The following TBX6 variants were observed in gnomAD, a reference collection of about 807,000 sequenced individuals.
The protein encoded by TBX6 is T-box transcription factor TBX6.
In TBX6, 29 loss-of-function variants were observed where a neutral mutation model predicts 42.3. The ratio of observed to expected loss-of-function variants is 0.69; its 90% CI spans 0.51 to 0.93. The LOEUF is 0.93. TBX6 is among the 40% of genes least tolerant of loss of function. The probability of loss-of-function intolerance (pLI) is 0.00; values close to 1 mark genes in which losing one functional copy is unlikely to be tolerated. For missense variants in TBX6, 569 were observed against 603.3 expected (o/e 0.94, Z 0.59); for synonymous variants, 249 against 245.1 (o/e 1.02, Z -0.15).
chr16:30,089,123 A>G lies in TBX6; in HGVS notation c.441T>C (p.Asp147=). 6.2e-7 allele frequency: 1 copy of G among 1,614,056 alleles called. No homozygotes were observed. Among genetic ancestry groups the G allele is most frequent in the South Asian group, 1.1e-5 (1 of 91,080 alleles). ...YLFLLDVIPV[D]GARYRWQGRR... ...GGCCCTGCCAGCGGTAGCGAGCCCCATCCACCGGAATCACATCCAGAAGAA... is the reference window on the plus strand; with the variant it reads ...GGCCCTGCCAGCGGTAGCGAGCCCCGTCCACCGGAATCACATCCAGAAGAA... The change falls in exon 4 of 9, where the codon GAT becomes GAC. Residue 147 remains aspartate, a synonymous_variant. Coordinates refer to ENST00000395224, the MANE Select transcript of TBX6 (RefSeq NM_004608.4).
At position 30,091,125 on chromosome 16, in the gene TBX6, C is replaced by T; in HGVS notation, c.69G>A (p.Gly23=). 1.9e-6 allele frequency: 3 copies of T among 1,590,954 alleles called. No individual in the cohort carries two copies. Among genetic ancestry groups the T allele is most frequent in the South Asian group, 1.1e-5 (1 of 87,650 alleles). ...AGYRLGPAQP[G]ADSSFPPALA... is the part of the protein sequence containing the mutation. ...GGGCGGGTGGGAAGCTGGAGTCGGCCCCAGGTTGGGCGGGCCCCAGGCGGT... is the reference window on the plus strand; with the variant it reads ...GGGCGGGTGGGAAGCTGGAGTCGGCTCCAGGTTGGGCGGGCCCCAGGCGGT... Residue 23 remains glycine, a synonymous_variant, in exon 2 of 9, where the codon GGG becomes GGA. Transcript: ENST00000395224.
intron 3 of TBX6, 132 bp downstream of exon 3, chr16:30,090,626 G>T: frequency 2.2e-6 from 2 of 904,298 alleles, no homozygotes; most frequent in Non-Finnish European, 1.6e-6. Context: ...CTTGCCCCAG[G>T]CCATAGTCAG....
Position 30,091,122 on chromosome 16 carries a change from G to C in TBX6, c.72C>G (p.Ala24=), listed in dbSNP as rs1326920663. 12 of 1,589,560 alleles carry C rather than the reference G, an allele frequency of 7.5e-6. No individual in the cohort carries two copies. The highest frequency in any genetic ancestry group is 1.0e-5 in the Non-Finnish European group (12 of 1,169,554). ...GYRLGPAQPG[A]DSSFPPALAE... ...CTAGGGCGGGTGGGAAGCTGGAGTC[G>C]GCCCCAGGTTGGGCGGGCCCCAGGC... The change falls in exon 2 of 9, where the codon GCC becomes GCG. Residue 24 remains alanine (A), a synonymous_variant. Coordinates refer to ENST00000395224, the MANE Select transcript of TBX6 (RefSeq NM_004608.4).
Position 30,091,215 on chromosome 16 carries a change from A to C in TBX6, c.-22T>G. The C allele has an allele frequency of 6.5e-7, 1 of 1,530,762 alleles. No individual in the cohort carries two copies. The highest frequency in any genetic ancestry group is 1.3e-5 in the South Asian group (1 of 78,874). The allele number at this position is 1,530,762 out of a possible 1,614,324, so 94.8% of individuals were successfully genotyped here. ...ACATGTTGTAGTTCCGTCTGGCCTCAGGTCTCGCTGCTTAGGGCCCCCGGT... is the reference window on the plus strand; with the variant it reads ...ACATGTTGTAGTTCCGTCTGGCCTCCGGTCTCGCTGCTTAGGGCCCCCGGT... On this transcript the variant is annotated 5_prime_UTR_variant, in exon 2 of 9. Transcript: ENST00000395224.
chr16:30,089,110 G>C lies in TBX6; in HGVS notation c.454C>G (p.Arg152Gly). Reference protein sequence around the residue: ...DVIPVDGARYRWQGRRWEPSG... With the variant: ...DVIPVDGARYGWQGRRWEPSG... ...GGCTCCCAGCGCCGGCCCTGCCAGC[G>C]GTAGCGAGCCCCATCCACCGGAATC... The change falls in exon 4 of 9, where the codon CGC becomes GGC. Residue 152 changes from arginine (R) to glycine (G), a missense_variant. By Grantham distance (125) the Arg-to-Gly change is moderately radical (BLOSUM62 -2). Coordinates refer to ENST00000395224, the MANE Select transcript of TBX6 (RefSeq NM_004608.4). 6.2e-7 allele frequency: 1 copy of C among 1,613,988 alleles called. No homozygotes were observed. The highest frequency in any genetic ancestry group is 8.5e-7 in the Non-Finnish European group (1 of 1,180,002).
Position 30,088,904 on chromosome 16 carries a change from C to T in TBX6, c.621+39G>A, listed in dbSNP as rs368823476. The T allele has an allele frequency of 1.9e-6, 3 of 1,600,842 alleles. No homozygotes were observed. The Admixed American group carries it at 5.0e-5, about 27-fold the overall frequency. On this transcript the variant is annotated intron_variant, in intron 4 of 8. Coordinates refer to ENST00000395224, the MANE Select transcript of TBX6 (RefSeq NM_004608.4). This position sits in a 1 kb window ranked among gnomAD's most constrained non-coding sequence, Gnocchi z 4.1. The stretch of plus-strand genomic sequence containing the variant: ...CTCACCCTTGGCCTCCCTTCCAGCA[C>T]CCCCCAACCCTATCCTGGAGTCCCA...
chr16:30,087,522 T>G (rs2072654560), intron 6 of TBX6, among the ~76,000 whole-genome samples: 1 of 152,108 alleles, frequency 6.6e-6, no homozygotes, highest in Non-Finnish European at 1.5e-5. Context: ...TTGGTTCATG[T>G]CTGTCTCTTC....
chr16:30,089,423 C>T (rs1287934558), intron 3 of TBX6, among the ~76,000 whole-genome samples: 1 of 152,172 alleles, frequency 6.6e-6, no homozygotes, highest in Non-Finnish European at 1.5e-5. Context: ...TCTCTTGAGT[C>T]AGGAATTCAA....
chr16:30,086,405 C>CCCGGAGTCTGGAGCCT lies in TBX6; in HGVS notation c.1115_1130dup (p.Arg378GlyfsTer114), dbSNP rs1228841649. 6.5e-7 allele frequency: 1 copy of CCCGGAGTCTGGAGCCT among 1,548,632 alleles called. No individual in the cohort carries two copies. The highest frequency in any genetic ancestry group is 8.7e-7 in the Non-Finnish European group (1 of 1,154,882). ...ATGCAGCCGAGTAGGGGGCTGAGCG[C>CCCGGAGTCTGGAGCCT]CCGGAGTCTGGAGCCTCCGGGAAGC... On this transcript the variant is annotated frameshift_variant, in exon 9 of 9. Transcript: ENST00000395224. LOFTEE classifies it high-confidence loss of function. The surrounding 1 kb of genome is among the most constrained non-coding windows in gnomAD (Gnocchi z 4.6).
rs746908804 is a variant in TBX6, at chr16:30,089,046, T to C, written c.518A>G (p.Tyr173Cys). 43 of 1,613,834 alleles carry C rather than the reference T, an allele frequency of 2.7e-5. No individual in the cohort carries two copies. Among genetic ancestry groups the C allele is most frequent in the African/African-American group, 6.7e-5 (5 of 74,934 alleles). The change falls in exon 4 of 9, where the codon TAC (tyrosine) becomes TGC (cysteine). Residue 173 changes from tyrosine (Y) to cysteine (C), a missense_variant. Around this residue, in one of 3 missense-constraint regions of TBX6, gnomAD observed 190 missense variants for 250.6 expected, o/e 0.76. Coordinates refer to ENST00000395224, the MANE Select transcript of TBX6 (RefSeq NM_004608.4). ...KAEPRLPDRVYIHPDSPATGA... is the reference protein window; with the variant it reads ...KAEPRLPDRVCIHPDSPATGA... ...AGTGGCAGGAGAGTCGGGGTGAATG[T>C]AGACACGGTCAGGCAGGCGGGGCTC...
At chr16:30,087,214 G>A (rs571392674) in intron 6 of TBX6, among the ~76,000 whole-genome samples, 8 of 152,110 alleles carry the variant, frequency 5.3e-5, no homozygotes, top group Middle Eastern at 3.4e-3. Context: ...GGCTGAACCT[G>A]TCCTTTTTCT....
intron 3 of TBX6, among the ~76,000 whole-genome samples, chr16:30,089,957 A>C (rs11643636): frequency 9.8e-5 from 14 of 142,234 alleles, no homozygotes; most frequent in Non-Finnish European, 1.8e-4. Flanking sequence ...AAAAAAAAAG[A>C]AGCCAGAGGG....
intron 6 of TBX6, among the ~76,000 whole-genome samples, chr16:30,087,137 G>A (rs2072647848): frequency 6.6e-6 from 1 of 152,146 alleles, no homozygotes; most frequent in South Asian, 2.1e-4. Flanking sequence ...GTCTCACCTA[G>A]CTCATCTTTC....
At position 30,085,992 on chromosome 16, in the gene TBX6, G is replaced by A; in HGVS notation, c.*233C>T. 1 of 532,248 alleles carries A rather than the reference G, an allele frequency of 1.9e-6. No homozygotes were observed. The highest frequency in any genetic ancestry group is 2.4e-5 in the South Asian group (1 of 42,004). 33.0% of individuals were successfully genotyped at this position (532,248 alleles called of 1,614,324 possible). A position where few individuals can be genotyped will look rare whatever the true frequency, so the allele number is the denominator to read the frequency against. On this transcript the variant is annotated 3_prime_UTR_variant, in exon 9 of 9. Transcript: ENST00000395224. ...CAGAGCCCCTTCCATTCACACGGAGGTGAGAGCCGGGAAGGGGAAGCCGGC... is the reference window on the plus strand; with the variant it reads ...CAGAGCCCCTTCCATTCACACGGAGATGAGAGCCGGGAAGGGGAAGCCGGC...
intron 6 of TBX6, among the ~76,000 whole-genome samples, chr16:30,087,550 C>T (rs2072654739): frequency 6.6e-6 from 1 of 152,180 alleles, no homozygotes; most frequent in Non-Finnish European, 1.5e-5. Context: ...CTGGAAGCTA[C>T]TTGAGGGCAG....
chr16:30,091,771 G>A (rs1438882059), intron 1 of TBX6, 102 bp downstream of exon 1: 9 of 153,982 alleles, frequency 5.8e-5, no homozygotes, highest in Admixed American at 5.8e-4. Context: ...TCGGGGCCGC[G>A]AGGAGGCCGC....
Position 30,086,708 on chromosome 16 carries a change from A to G in TBX6, c.914-13T>C. ...CCACCTGGTGTGTCTGGGGAGAGGG[A>G]AGGGAGAGGTTGGGCTAGGGAGGAT... On this transcript the variant is annotated splice_polypyrimidine_tract_variant and intron_variant, in intron 7 of 8. Transcript: ENST00000395224. This position sits in a 1 kb window ranked among gnomAD's most constrained non-coding sequence, Gnocchi z 4.6. 6.2e-7 allele frequency: 1 copy of G among 1,612,464 alleles called. No homozygotes were observed. The highest frequency in any genetic ancestry group is 1.1e-5 in the South Asian group (1 of 90,954).
In TBX6 at chr16:30,088,627, C is replaced by T. The variant is rs533990197; in HGVS notation, c.769-12G>A. On this transcript the variant is annotated splice_polypyrimidine_tract_variant and intron_variant, in intron 5 of 8. Coordinates refer to ENST00000395224, the MANE Select transcript of TBX6 (RefSeq NM_004608.4). This position sits in a 1 kb window ranked among gnomAD's most constrained non-coding sequence, Gnocchi z 4.1. Reference sequence around the variant, plus strand: ...TTCAGTTGTGTGATCTGGGGACACACATGCAGGGTCAAAGCAACTGCGGTC... The same window carrying T: ...TTCAGTTGTGTGATCTGGGGACACATATGCAGGGTCAAAGCAACTGCGGTC... The T allele has an allele frequency of 5.6e-6, 9 of 1,614,182 alleles. No individual in the cohort carries two copies. In the South Asian group the frequency reaches 6.6e-5, roughly 12 times the overall value.
chr16:30,090,077 C>A (rs1053697778), intron 3 of TBX6, among the ~76,000 whole-genome samples: 4 of 152,150 alleles, frequency 2.6e-5, no homozygotes, highest in African/African-American at 9.7e-5. Context: ...GCCATGACTC[C>A]TACCCCTCAA....
Sources: allele counts gnomAD v4.1 joint callset (sites outside exome capture counted in the v4.1 genomes callset), GRCh38; gene constraint gnomAD v4.1.1; regional missense constraint gnomAD v4.1.1; non-coding constraint Gnocchi (gnomAD v3.1); transcripts MANE v1.5; gene names NCBI Gene and HGNC (gene_info 2026-07-23, HGNC 2026-07-21).